PKIB: variants seen among roughly 807,000 people sequenced by gnomAD.
PKIB encodes PKI-beta.
In PKIB, 2 loss-of-function variants were observed where a neutral mutation model predicts 4.5. The observed-to-expected ratio is 0.44, with a 90% confidence interval of 0.18 to 1.39. The LOEUF (loss-of-function observed/expected upper bound fraction) is 1.39. PKIB is among the 40% of genes most tolerant of loss of function. PKIB has a pLI of 0.27. For missense variants in PKIB, 94 were observed against 92.6 expected (o/e 1.02, Z -0.06); for synonymous variants, 38 against 36.0 (o/e 1.06, Z -0.20).
At chr6:122,495,607 AC>A (rs1448489466) in intron 2 of PKIB, among the ~76,000 whole-genome samples, 1 of 151,730 alleles carries the variant, frequency 6.6e-6, no homozygotes, top group Non-Finnish European at 1.5e-5. Flanking sequence ...TGGGGAAACT[AC>A]CTACCCCATT....
At chr6:122,512,905 T>G (rs1340029988) in intron 2 of PKIB, among the ~76,000 whole-genome samples, 1 of 152,226 alleles carries the variant, frequency 6.6e-6, no homozygotes, top group African/African-American at 2.4e-5. Context: ...TGTTTATAAT[T>G]CTAAAATATA....
In PKIB at chr6:122,596,139, C is replaced by T. The variant is rs1434626960; in HGVS notation, c.-161+10132C>T. 2.0e-5 allele frequency among the ~76,000 whole-genome samples: 3 copies of T among 152,236 alleles called. No homozygotes were observed. In the East Asian group the frequency reaches 5.8e-4, roughly 29 times the overall value. On this transcript the variant is annotated intron_variant, in intron 3 of 6. Coordinates refer to the PKIB transcript ENST00000392491. ...CATGCAAAGTGCACAACCAGGTGCA[C>T]TGCTCGAAGTTCTGCCCACTGGGAA...
At chr6:122,673,343 TAA>T (rs1430704325) in intron 2 of PKIB, among the ~76,000 whole-genome samples, 1 of 152,234 alleles carries the variant, frequency 6.6e-6, no homozygotes, top group Non-Finnish European at 1.5e-5. Flanking sequence ...TTGAAAATAT[TAA>T]GACTACAAAA....
At chr6:122,624,884 A>G (rs1466816617) in intron 1 of PKIB, among the ~76,000 whole-genome samples, 1 of 152,224 alleles carries the variant, frequency 6.6e-6, no homozygotes, top group Non-Finnish European at 1.5e-5. Context: ...GGTTCATGAT[A>G]CAGAACAGGT....
chr6:122,578,216 G>A (rs1773606214), intron 2 of PKIB, among the ~76,000 whole-genome samples: 1 of 151,930 alleles, frequency 6.6e-6, no homozygotes, highest in Non-Finnish European at 1.5e-5. Context: ...TTAAATCAGG[G>A]TTCAACGAAA....
At chr6:122,509,173 A>C (rs927962236) in intron 2 of PKIB, among the ~76,000 whole-genome samples, 13 of 152,222 alleles carry the variant, frequency 8.5e-5, no homozygotes, top group Admixed American at 7.9e-4. Context: ...AGCCATTAGT[A>C]AAAACAGTTA....
chr6:122,492,708 G>T (rs529089981), intron 2 of PKIB, among the ~76,000 whole-genome samples: 1 of 150,692 alleles, frequency 6.6e-6, no homozygotes, highest in Non-Finnish European at 1.5e-5. Flanking sequence ...AGTAATTTAA[G>T]CATAAGAGGT....
chr6:122,472,048 G>T, intron 1 of PKIB: 1 of 475,402 alleles, frequency 2.1e-6, no homozygotes. Context: ...AACGGTGTGA[G>T]CAAAACCCAC....
chr6:122,577,507 T>A (rs2114703941), intron 2 of PKIB, among the ~76,000 whole-genome samples: 1 of 152,168 alleles, frequency 6.6e-6, no homozygotes, highest in Middle Eastern at 3.4e-3. Context: ...TCCAAATTAA[T>A]CTTGAAAAAA....
intron 2 of PKIB, among the ~76,000 whole-genome samples, chr6:122,558,551 A>C (rs1772916347): frequency 6.6e-6 from 1 of 152,220 alleles, no homozygotes; most frequent in Admixed American, 6.5e-5. Flanking sequence ...ATGTTTGATA[A>C]GTAAAATCTA....
chr6:122,711,120 CCCAATAT>C (rs1779257659), intron 3 of PKIB, among the ~76,000 whole-genome samples: 1 of 146,290 alleles, frequency 6.8e-6, no homozygotes, highest in African/African-American at 2.6e-5. Flanking sequence ...CTGGATAACA[CCCAATAT>C]ACATAGCACA....
At chr6:122,512,553 C>T (rs910611164) in intron 2 of PKIB, among the ~76,000 whole-genome samples, 14 of 152,184 alleles carry the variant, frequency 9.2e-5, no homozygotes, top group African/African-American at 3.1e-4. Context: ...CTCTCTGGAC[C>T]ATCTTGGCTG....
chr6:122,540,692 T>C (rs1262066650), intron 2 of PKIB, among the ~76,000 whole-genome samples: 1 of 152,058 alleles, frequency 6.6e-6, no homozygotes, highest in Non-Finnish European at 1.5e-5. Context: ...AGATGTCAAT[T>C]AGGTCTGCTT....
chr6:122,586,797 A>G lies in PKIB; in HGVS notation c.-161+790A>G, dbSNP rs372176038. On this transcript the variant is annotated intron_variant, in intron 3 of 6. Coordinates refer to the PKIB transcript ENST00000392491. ...TTTGGGAAGCTAGAATCTGGAGAACATAAGAAACAACTCCAAGAACTCTCT... is the reference window on the plus strand; with the variant it reads ...TTTGGGAAGCTAGAATCTGGAGAACGTAAGAAACAACTCCAAGAACTCTCT... 2.3e-3 allele frequency among the ~76,000 whole-genome samples: 350 copies of G among 152,266 alleles called. 2 individuals are homozygous for G. The highest frequency in any genetic ancestry group is 8.1e-3 in the African/African-American group (336 of 41,568).
chr6:122,651,482 G>A (rs1776551127), intron 2 of PKIB, among the ~76,000 whole-genome samples: 1 of 152,166 alleles, frequency 6.6e-6, no homozygotes, highest in African/African-American at 2.4e-5. Flanking sequence ...TGGTTCTTTA[G>A]GCAACGCAGA....
intron 3 of PKIB, among the ~76,000 whole-genome samples, chr6:122,685,924 C>T (rs1778075515): frequency 6.6e-6 from 1 of 152,136 alleles, no homozygotes; most frequent in African/African-American, 2.4e-5. Context: ...CTTTCTGTGC[C>T]TGGCTTATTT....
intron 2 of PKIB, among the ~76,000 whole-genome samples, chr6:122,532,243 G>A (rs1456232032): frequency 6.6e-6 from 1 of 152,136 alleles, no homozygotes; most frequent in African/African-American, 2.4e-5. Flanking sequence ...CCAAGATGGG[G>A]AACTAAGTAA....
chr6:122,646,809 T>A (rs1776335708), intron 2 of PKIB, among the ~76,000 whole-genome samples: 1 of 152,178 alleles, frequency 6.6e-6, no homozygotes, highest in African/African-American at 2.4e-5. Flanking sequence ...TTTAGTTTCA[T>A]ATCTCAATTT....
At chr6:122,610,075 C>T (rs997748375), upstream of PKIB, among the ~76,000 whole-genome samples, 3 of 152,166 alleles carry the variant, frequency 2.0e-5, no homozygotes, top group African/African-American at 7.2e-5. Flanking sequence ...TTGAAATTCC[C>T]GCAGTCACGT....
Sources: gnomAD v4.1 joint callset for allele counts (sites outside exome capture counted in the v4.1 genomes callset) on GRCh38, gnomAD v4.1.1 for gene constraint, MANE v1.5 for transcripts, NCBI Gene and HGNC (gene_info 2026-07-23, HGNC 2026-07-21) for gene names.